NAALADL2: variants seen among roughly 807,000 people sequenced by gnomAD.
The protein encoded by NAALADL2 is N-acetylated alpha-linked acidic dipeptidase like 2.
In NAALADL2, 76 loss-of-function variants were observed where a neutral mutation model predicts 87.2. That is an observed-to-expected ratio of 0.87 (90% CI 0.72 to 1.05). The LOEUF (loss-of-function observed/expected upper bound fraction) is 1.05. Among genes scored for constraint, NAALADL2 ranks in the 50% least tolerant of loss-of-function variants. NAALADL2 has a pLI of 0.00. For missense variants in NAALADL2, 1,089 were observed against 945.8 expected (o/e 1.15, Z -1.99); for synonymous variants, 354 against 331.0 (o/e 1.07, Z -0.75).
At chr3:175,345,258 A>T (rs1763029916) in intron 5 of NAALADL2, among the ~76,000 whole-genome samples, 1 of 152,108 alleles carries the variant, frequency 6.6e-6, no homozygotes, top group African/African-American at 2.4e-5. Flanking sequence ...CTAATACTTC[A>T]TACGTTTTAT....
chr3:175,181,419 A>T (rs1736447462), intron 2 of NAALADL2, among the ~76,000 whole-genome samples: 1 of 151,792 alleles, frequency 6.6e-6, no homozygotes. Flanking sequence ...CTTATCATTT[A>T]TTCCTCTTGT....
In NAALADL2 at chr3:174,598,539, T is replaced by G. The variant is rs186991695; in HGVS notation, c.-115+47902T>G. Among the ~76,000 whole-genome samples, 45 of 152,266 alleles carry G rather than the reference T, an allele frequency of 3.0e-4. No homozygotes were observed. In the Middle Eastern group the frequency reaches 0.01, roughly 35 times the overall value. On this transcript the variant is annotated intron_variant, in intron 2 of 3. Transcript: ENST00000434257. ...ACACTTATTATTAATTAATTAGTTCTCCGAAGTGGTATGCTGGTGTATTTT... is the reference window on the plus strand; with the variant it reads ...ACACTTATTATTAATTAATTAGTTCGCCGAAGTGGTATGCTGGTGTATTTT...
chr3:174,936,471 T>A (rs1269601960), intron 1 of NAALADL2, among the ~76,000 whole-genome samples: 1 of 152,080 alleles, frequency 6.6e-6, no homozygotes, highest in Non-Finnish European at 1.5e-5. Context: ...ATAAAAAGAT[T>A]TTGAGAATCA....
At chr3:175,228,879 T>C (rs1744543723) in intron 2 of NAALADL2, among the ~76,000 whole-genome samples, 1 of 151,958 alleles carries the variant, frequency 6.6e-6, no homozygotes, top group African/African-American at 2.4e-5. Flanking sequence ...TAAAAATGGA[T>C]GTGAAAATAA....
chr3:175,739,242 G>C (rs559572450), intron 12 of NAALADL2, among the ~76,000 whole-genome samples: 2 of 152,122 alleles, frequency 1.3e-5, no homozygotes, highest in African/African-American at 4.8e-5. Flanking sequence ...TTAAACAATG[G>C]GGTTTATTCT....
intron 13 of NAALADL2, among the ~76,000 whole-genome samples, chr3:175,766,189 A>G (rs193251152): frequency 1.3e-4 from 20 of 152,314 alleles, no homozygotes; most frequent in Admixed American, 1.3e-3. Flanking sequence ...TCCTGAATCA[A>G]TAAAATTATC....
At chr3:175,665,890 C>T (rs947045298) in intron 11 of NAALADL2, among the ~76,000 whole-genome samples, 1 of 152,074 alleles carries the variant, frequency 6.6e-6, no homozygotes, top group African/African-American at 2.4e-5. Flanking sequence ...AAGATCGCGC[C>T]ACTGCACTCC....
chr3:175,202,941 C>A (rs1257970198), intron 2 of NAALADL2, among the ~76,000 whole-genome samples: 1 of 152,018 alleles, frequency 6.6e-6, no homozygotes, highest in South Asian at 2.1e-4. Context: ...CCACATAAAC[C>A]AAAGGACCGG....
At chr3:175,305,286 GTA>G (rs148948668) in intron 4 of NAALADL2, among the ~76,000 whole-genome samples, 36,214 of 151,470 alleles carry the variant, frequency 0.24, 4,471 homozygotes, top group Middle Eastern at 0.26. Context: ...GTATGTGTGT[GTA>G]TGTGTTCTCC....
chr3:175,383,155 A>C (rs1201001143), intron 5 of NAALADL2, among the ~76,000 whole-genome samples: 1 of 152,032 alleles, frequency 6.6e-6, no homozygotes, highest in African/African-American at 2.4e-5. Context: ...TCATTACCTC[A>C]AGCGTTTATC....
At chr3:175,754,954 G>A (rs1583122302) in intron 12 of NAALADL2, among the ~76,000 whole-genome samples, 1 of 152,264 alleles carries the variant, frequency 6.6e-6, no homozygotes, top group Non-Finnish European at 1.5e-5. Flanking sequence ...AGTTGAGACA[G>A]AATGCTTTGG....
chr3:175,098,328 G>A (rs1721506444), intron 2 of NAALADL2, among the ~76,000 whole-genome samples: 1 of 152,142 alleles, frequency 6.6e-6, no homozygotes, highest in African/African-American at 2.4e-5. Context: ...CAGTGAAGAT[G>A]TTGGAAAACT....
intron 11 of NAALADL2, among the ~76,000 whole-genome samples, chr3:175,732,268 G>A (rs1338143698): frequency 6.6e-6 from 1 of 152,088 alleles, no homozygotes; most frequent in African/African-American, 2.4e-5. Context: ...TGCATGATGG[G>A]GGGGATGCAT....
chr3:175,370,188 C>G (rs1581618382), intron 5 of NAALADL2, among the ~76,000 whole-genome samples: 1 of 152,200 alleles, frequency 6.6e-6, no homozygotes, highest in Non-Finnish European at 1.5e-5. Context: ...TCTTATATGA[C>G]TCTATGCATT....
intron 3 of NAALADL2, among the ~76,000 whole-genome samples, chr3:174,846,915 G>T (rs1176254949): frequency 6.6e-6 from 1 of 152,098 alleles, no homozygotes; most frequent in African/African-American, 2.4e-5. Context: ...CTGTATTTAG[G>T]GAATTGTTCT....
At position 175,038,518 on chromosome 3, in the gene NAALADL2, T is replaced by C. The variant is rs539963845; in HGVS notation, c.44-58272T>C. ...ATGCTTAAAAATAAATTCATAAAGATACCACAAAAATTTTGCTTTTAGACT... is the reference window on the plus strand; with the variant it reads ...ATGCTTAAAAATAAATTCATAAAGACACCACAAAAATTTTGCTTTTAGACT... On this transcript the variant is annotated intron_variant, in intron 1 of 13. Transcript: ENST00000454872. Among the ~76,000 whole-genome samples, 3 of 152,262 alleles carry C rather than the reference T, an allele frequency of 2.0e-5. 1 individual carries two copies. The East Asian group carries it at 5.8e-4, about 29-fold the overall frequency.
chr3:174,849,566 A>T (rs1353773934), intron 3 of NAALADL2, among the ~76,000 whole-genome samples: 1 of 151,774 alleles, frequency 6.6e-6, no homozygotes, highest in East Asian at 1.9e-4. Flanking sequence ...GAAACCCCGT[A>T]TCTACTAAAA....
At chr3:175,405,371 G>A (rs1041717511) in intron 5 of NAALADL2, among the ~76,000 whole-genome samples, 4 of 152,076 alleles carry the variant, frequency 2.6e-5, no homozygotes, top group African/African-American at 7.2e-5. Flanking sequence ...ACTTTAGTAA[G>A]CTCATTTTGA....
chr3:175,307,383 C>T (rs1002322948), intron 4 of NAALADL2, among the ~76,000 whole-genome samples: 7 of 151,830 alleles, frequency 4.6e-5, no homozygotes, highest in African/African-American at 1.2e-4. Context: ...TAAATGTTAA[C>T]GTATGTTATG....
Sources: gnomAD v4.1 joint callset for allele counts (sites outside exome capture counted in the v4.1 genomes callset) on GRCh38, gnomAD v4.1.1 for gene constraint, MANE v1.5 for transcripts, NCBI Gene and HGNC (gene_info 2026-07-23, HGNC 2026-07-21) for gene names.